The following ADGRL2 variants were observed in gnomAD, a reference collection of about 807,000 sequenced individuals.
The protein encoded by ADGRL2 is adhesion G protein-coupled receptor L2, also known as calcium-independent alpha-latrotoxin receptor 2.
ADGRL2 carries 44 observed loss-of-function variants against 157.4 expected under a neutral mutation model. The ratio of observed to expected loss-of-function variants is 0.28; its 90% confidence interval spans 0.22 to 0.36. ADGRL2 has a LOEUF of 0.36. ADGRL2 is among the 10% of genes least tolerant of loss of function. The pLI is 1.00. For missense variants in ADGRL2, 1,510 were observed against 1,768.9 expected (o/e 0.85, Z 2.63); for synonymous variants, 585 against 624.7 (o/e 0.94, Z 0.95).
chr1:81,704,503 A>T (rs2083671350), intron 1 of ADGRL2, among the ~76,000 whole-genome samples: 1 of 152,172 alleles, frequency 6.6e-6, no homozygotes, highest in Admixed American at 6.5e-5. Flanking sequence ...GCCTTCAAGG[A>T]CCAGATAGTA....
At chr1:81,472,127 A>G (rs1316831213) in intron 2 of ADGRL2, among the ~76,000 whole-genome samples, 1 of 152,222 alleles carries the variant, frequency 6.6e-6, no homozygotes, top group Non-Finnish European at 1.5e-5. Context: ...CTTGAAAAAT[A>G]GGCAGAAATT....
intron 1 of ADGRL2, among the ~76,000 whole-genome samples, chr1:81,403,906 T>C (rs1406422771): frequency 6.6e-6 from 1 of 151,580 alleles, no homozygotes; most frequent in Non-Finnish European, 1.5e-5. Flanking sequence ...CAAGTGATTC[T>C]CCTGCCTCAG....
At chr1:81,397,543 T>A (rs1015898095) in intron 1 of ADGRL2, among the ~76,000 whole-genome samples, 5 of 151,986 alleles carry the variant, frequency 3.3e-5, no homozygotes, top group African/African-American at 9.7e-5. Flanking sequence ...ATGGTCTCGA[T>A]CTCCTGACCT....
chr1:81,823,996 T>A (rs2091238635), intron 1 of ADGRL2, among the ~76,000 whole-genome samples: 1 of 152,212 alleles, frequency 6.6e-6, no homozygotes, highest in Admixed American at 6.5e-5. Flanking sequence ...ATGTGTTTTT[T>A]TAATTACCAG....
chr1:81,598,568 T>A (rs75801495), intron 3 of ADGRL2, among the ~76,000 whole-genome samples: 1,726 of 152,364 alleles, frequency 0.011, 48 homozygotes, highest in African/African-American at 0.039. Context: ...CAAGGTTTTC[T>A]GTCCATTTGG....
At chr1:81,899,352 G>A (rs536821552) in intron 2 of ADGRL2, among the ~76,000 whole-genome samples, 20 of 152,208 alleles carry the variant, frequency 1.3e-4, no homozygotes, top group African/African-American at 3.9e-4. Context: ...ATTCCCATCC[G>A]GTAGCAGTGC....
At chr1:81,389,128 G>A (rs188827377) in intron 1 of ADGRL2, among the ~76,000 whole-genome samples, 15 of 152,170 alleles carry the variant, frequency 9.9e-5, no homozygotes, top group African/African-American at 3.6e-4. Flanking sequence ...CCTTAGATGT[G>A]CTTAAGAAAA....
chr1:81,943,018 A>G lies in ADGRL2; in HGVS notation c.459A>G (p.Ile153Met). 1 of 1,613,250 alleles carries G rather than the reference A, an allele frequency of 6.2e-7. No individual in the cohort carries two copies. Among genetic ancestry groups the G allele is most frequent in the Non-Finnish European group, 8.5e-7 (1 of 1,179,410 alleles). ...TLKAIVDSPC[I>M]YEAEQKAGAW... ...AAGCAATTGTGGACTCACCATGTAT[A>G]TATGAAGCTGAACAAAAGGCGGGTG... The change falls in exon 6 of 24, where the codon ATA becomes ATG. Residue 153 changes from isoleucine to methionine, a missense_variant. Transcript: ENST00000686636. The surrounding 1 kb of genome is among the most constrained non-coding windows in gnomAD (Gnocchi z 5.6).
intron 1 of ADGRL2, among the ~76,000 whole-genome samples, chr1:81,373,799 G>A (rs2076200622): frequency 6.6e-6 from 1 of 152,070 alleles, no homozygotes; most frequent in Non-Finnish European, 1.5e-5. Flanking sequence ...TGACACGGAG[G>A]GTGGGCCACC....
chr1:81,874,419 G>T (rs2093775489), intron 2 of ADGRL2, among the ~76,000 whole-genome samples: 1 of 152,138 alleles, frequency 6.6e-6, no homozygotes, highest in Admixed American at 6.6e-5. Flanking sequence ...AAGTTGATGG[G>T]ATTATGAAGG....
chr1:81,538,820 C>T (rs1246008413), intron 2 of ADGRL2, among the ~76,000 whole-genome samples: 1 of 151,910 alleles, frequency 6.6e-6, no homozygotes, highest in Non-Finnish European at 1.5e-5. Context: ...GCCTTGGCAA[C>T]ATGACAAAAA....
At chr1:81,523,563 G>T (rs950779717) in intron 2 of ADGRL2, among the ~76,000 whole-genome samples, 2 of 152,010 alleles carry the variant, frequency 1.3e-5, no homozygotes, top group Non-Finnish European at 2.9e-5. Flanking sequence ...TCATAGAAAA[G>T]AAAATACATT....
Position 81,333,827 on chromosome 1 carries a change from T to C in ADGRL2, c.-302+27318T>C, listed in dbSNP as rs181656532. Among the ~76,000 whole-genome samples, 457 of 151,588 alleles carry C rather than the reference T, an allele frequency of 3.0e-3. 7 individuals are homozygous for C. Among genetic ancestry groups the C allele is most frequent in the Admixed American group, 0.028 (432 of 15,204 alleles). On this transcript the variant is annotated intron_variant, in intron 1 of 24. Coordinates refer to the ADGRL2 transcript ENST00000370721. ...GGAAAGTTATAGTGTTCTGTGGGAG[T>C]CCACAATTATTACTGTAATGAGATT...
intron 1 of ADGRL2, among the ~76,000 whole-genome samples, chr1:81,358,694 CTT>C (rs972939438): frequency 6.6e-6 from 1 of 152,058 alleles, no homozygotes; most frequent in Non-Finnish European, 1.5e-5. Context: ...ATTCTTGTCA[CTT>C]TGGAAATCAT....
chr1:81,784,278 T>A (rs768368608), intron 2 of ADGRL2, among the ~76,000 whole-genome samples: 6 of 152,208 alleles, frequency 3.9e-5, no homozygotes, highest in Non-Finnish European at 8.8e-5. Flanking sequence ...AAAAGTAGTA[T>A]CTGTGACTTC....
rs1378294308 is a variant in ADGRL2, at chr1:81,969,062, A to G, written c.2524-116A>G. ...TTGAGCCTTTTTTGAACACATATGA[A>G]TAGTATTCTTCAAAGAGTTCAGTAG... On this transcript the variant is annotated intron_variant, in intron 14 of 23. Coordinates refer to ENST00000686636, the MANE Select transcript of ADGRL2 (RefSeq NM_001366006.2). 1.3e-4 allele frequency: 99 copies of G among 737,524 alleles called. 1 individual carries two copies. The allele number at this position is 737,524 out of a possible 1,614,324, so 45.7% of individuals were successfully genotyped here. A position where few individuals can be genotyped will look rare whatever the true frequency, so the allele number is the denominator to read the frequency against.
intron 1 of ADGRL2, among the ~76,000 whole-genome samples, chr1:81,407,079 C>T (rs561981214): frequency 3.9e-5 from 6 of 152,272 alleles, no homozygotes; most frequent in East Asian, 3.9e-4. Context: ...TATTTCCTCC[C>T]GTCTCCAGAA....
At chr1:81,802,414 C>G (rs368754014) in intron 1 of ADGRL2, among the ~76,000 whole-genome samples, 1 of 152,064 alleles carries the variant, frequency 6.6e-6, no homozygotes, top group Non-Finnish European at 1.5e-5. Context: ...GCTCCCTCCC[C>G]CCAATCTCCT....
intron 3 of ADGRL2, among the ~76,000 whole-genome samples, chr1:81,610,113 G>T (rs1265081256): frequency 6.6e-6 from 1 of 151,992 alleles, no homozygotes; most frequent in Admixed American, 6.6e-5. Context: ...CACCAGGGGT[G>T]CAATGTCAAC....
Sources: gnomAD v4.1 joint callset for allele counts (sites outside exome capture counted in the v4.1 genomes callset) on GRCh38, gnomAD v4.1.1 for gene constraint, Gnocchi (gnomAD v3.1) non-coding constraint, MANE v1.5 for transcripts, NCBI Gene and HGNC (gene_info 2026-07-23, HGNC 2026-07-21) for gene names.